The following SYNE1 variants were observed in gnomAD, a reference collection of about 807,000 sequenced individuals.
The protein encoded by SYNE1 is nesprin-1.
A neutral mutation model predicts 1,111.0 loss-of-function variants in SYNE1; 616 were observed. That is an observed-to-expected ratio of 0.55 (90% CI 0.52 to 0.59). SYNE1 has a LOEUF of 0.59. Ranked by LOEUF, SYNE1 falls within the 20% of genes least tolerant of loss-of-function variation. The pLI, the probability that SYNE1 is intolerant of heterozygous loss-of-function variation, is 0.00. For synonymous variants in SYNE1, 3,855 were observed against 3,825.8 expected (o/e 1.01, Z -0.28); for missense variants, 10,006 against 10,417.0 (o/e 0.96, Z 1.72).
At chr6:152,170,199 C>G (rs1168556844) in intron 130 of SYNE1, among the ~76,000 whole-genome samples, 2 of 151,892 alleles carry the variant, frequency 1.3e-5, no homozygotes, top group South Asian at 2.1e-4. Flanking sequence ...AAATATGAGA[C>G]AAGGCAAAGC....
chr6:152,324,201 C>G (rs1307032940), intron 81 of SYNE1, among the ~76,000 whole-genome samples: 2 of 151,764 alleles, frequency 1.3e-5, no homozygotes, highest in African/African-American at 4.8e-5. Context: ...GAGCTTGAGA[C>G]AAGCCTGACA....
chr6:152,193,814 A>G (rs2073268269), intron 127 of SYNE1, among the ~76,000 whole-genome samples: 1 of 151,988 alleles, frequency 6.6e-6, no homozygotes, highest in Non-Finnish European at 1.5e-5. Flanking sequence ...GATCGAAACC[A>G]TCCTGACTAA....
chr6:152,175,082 G>A (rs902484113), intron 130 of SYNE1, among the ~76,000 whole-genome samples: 29 of 152,090 alleles, frequency 1.9e-4, no homozygotes, highest in Non-Finnish European at 4.4e-5. Flanking sequence ...TAGTCCCAGG[G>A]ATTGGGAGGC....
At chr6:152,597,229 G>A (rs906638852) in intron 3 of SYNE1, among the ~76,000 whole-genome samples, 3 of 152,134 alleles carry the variant, frequency 2.0e-5, no homozygotes, top group Non-Finnish European at 2.9e-5. Flanking sequence ...AAATAGACGT[G>A]CATCTTACAG....
intron 3 of SYNE1, among the ~76,000 whole-genome samples, chr6:152,604,507 T>G (rs752925709): frequency 7.9e-5 from 12 of 152,112 alleles, no homozygotes; most frequent in Non-Finnish European, 1.6e-4. Flanking sequence ...TTTTGCCATG[T>G]TGCCCAGGCT....
chr6:152,502,673 G>T lies in SYNE1; in HGVS notation c.848C>A (p.Pro283His). ...ATCAGTGCTTGCATTGTGGATGTCA[G>T]GATAATGTTTCAGAAACTGGGCTAC... The part of the protein sequence containing the change: ...TYVAQFLKHY[P>H]DIHNASTDGQ... Residue 283 changes from proline to histidine, a missense_variant, in exon 10 of 146, where the codon CCT (proline) becomes CAT (histidine). Coordinates refer to ENST00000367255, the MANE Select transcript of SYNE1 (RefSeq NM_182961.4). 6.2e-7 allele frequency: 1 copy of T among 1,613,870 alleles called. No individual in the cohort carries two copies. The highest frequency in any genetic ancestry group is 8.5e-7 in the Non-Finnish European group (1 of 1,179,904).
chr6:152,167,686 G>C (rs755208554), intron 130 of SYNE1: 5 of 481,248 alleles, frequency 1.0e-5, no homozygotes, highest in Non-Finnish European at 2.1e-5. Flanking sequence ...TTTCATGAAA[G>C]GAAAGCTTTC....
chr6:152,193,576 C>T (rs4869751), intron 127 of SYNE1, among the ~76,000 whole-genome samples: 46,229 of 151,980 alleles, frequency 0.3, 7,686 homozygotes, highest in East Asian at 0.44. Context: ...CCTTGGCCTC[C>T]TAAAGTGCTG....
In SYNE1 at chr6:152,567,212, G is replaced by T. The variant is rs79221799; in HGVS notation, c.68-27191C>A. Among the ~76,000 whole-genome samples the T allele has an allele frequency of 4.3e-3, 649 of 152,178 alleles. 5 individuals carry two copies. The highest frequency in any genetic ancestry group is 0.015 in the African/African-American group (607 of 41,526). On this transcript the variant is annotated intron_variant, in intron 3 of 145. Coordinates refer to ENST00000367255, the MANE Select transcript of SYNE1 (RefSeq NM_182961.4). Reference sequence around the variant, plus strand: ...TCTAGGTTCATCTATGTTGTCAAAAGTCGCAGGACCTCCTTCTTTTTAAAA... The same window carrying T: ...TCTAGGTTCATCTATGTTGTCAAAATTCGCAGGACCTCCTTCTTTTTAAAA...
intron 51 of SYNE1, among the ~76,000 whole-genome samples, chr6:152,394,788 C>CTT (rs11358769): frequency 2.4e-5 from 3 of 125,726 alleles, no homozygotes; most frequent in Non-Finnish European, 5.0e-5. Context: ...TTTCTTTTTC[C>CTT]TTTTTTTTTT....
chr6:152,374,730 G>A (rs1315924578), intron 58 of SYNE1, among the ~76,000 whole-genome samples: 2 of 151,514 alleles, frequency 1.3e-5, no homozygotes, highest in Admixed American at 6.6e-5. Context: ...ACCAAGATAG[G>A]GCCACTGGAC....
rs1414121118 is a variant in SYNE1, at chr6:152,505,197, C to T, written c.778+4G>A. 2 of 1,613,982 alleles carry T rather than the reference C, an allele frequency of 1.2e-6. No homozygotes were observed. Among genetic ancestry groups the T allele is most frequent in the East Asian group, 2.2e-5 (1 of 44,868 alleles). Reference sequence around the variant, plus strand: ...ATATAACAGTCAATGAATATTCAGCCTACCTTCAGGATCTAGCAGTCTTGG... The same window carrying T: ...ATATAACAGTCAATGAATATTCAGCTTACCTTCAGGATCTAGCAGTCTTGG... On this transcript the variant is annotated splice_donor_region_variant and intron_variant, in intron 9 of 145. Coordinates refer to ENST00000367255, the MANE Select transcript of SYNE1 (RefSeq NM_182961.4).
At chr6:152,323,299 G>A (rs1170245848) in intron 82 of SYNE1, among the ~76,000 whole-genome samples, 179 bp downstream of exon 82, 3 of 152,182 alleles carry the variant, frequency 2.0e-5, no homozygotes, top group East Asian at 1.9e-4. Context: ...TTAGCCGGGC[G>A]TGGTGGCGGG....
At chr6:152,587,666 C>T (rs1444816074) in intron 3 of SYNE1, among the ~76,000 whole-genome samples, 1 of 152,184 alleles carries the variant, frequency 6.6e-6, no homozygotes, top group African/African-American at 2.4e-5. Context: ...CTTCCCACAT[C>T]CTCTCTTGTA....
intron 64 of SYNE1, 57 bp downstream of exon 64, chr6:152,362,113 G>T: frequency 6.2e-7 from 1 of 1,613,328 alleles, no homozygotes. Flanking sequence ...TTGTCTGACT[G>T]TGGCATTCTA....
intron 124 of SYNE1, among the ~76,000 whole-genome samples, chr6:152,210,906 A>G (rs2077406524): frequency 6.6e-6 from 1 of 152,196 alleles, no homozygotes; most frequent in Non-Finnish European, 1.5e-5. Context: ...GCGGCATGTA[A>G]TCTGACTTAA....
chr6:152,213,540 C>G, intron 123 of SYNE1, 72 bp downstream of exon 123: 3 of 1,534,858 alleles, frequency 2.0e-6, no homozygotes, highest in Non-Finnish European at 1.8e-6. Context: ...AATTCTCCCA[C>G]ACAGCATTTC....
intron 84 of SYNE1, chr6:152,319,834 A>C (rs2095828318): frequency 6.6e-6 from 1 of 152,034 alleles, no homozygotes; most frequent in African/African-American, 2.4e-5. Context: ...GAAAAGCTTA[A>C]ATTTTAACTA....
Position 152,214,757 on chromosome 6 carries a change from C to A in SYNE1, c.22346+149G>T, listed in dbSNP as rs899978532. 5.6e-6 allele frequency: 6 copies of A among 1,079,744 alleles called. No homozygotes were observed. In the African/African-American group the frequency reaches 9.4e-5, roughly 17 times the overall value. 66.9% of individuals were successfully genotyped at this position (1,079,744 alleles called of 1,614,324 possible). ...ACCAGACAACTGAATCTGCTAGCACCTTGACTGCGGACTTCCCAGTCTCCA... is the reference window on the plus strand; with the variant it reads ...ACCAGACAACTGAATCTGCTAGCACATTGACTGCGGACTTCCCAGTCTCCA... On this transcript the variant is annotated intron_variant, in intron 122 of 145. Transcript: ENST00000367255.
Sources: allele counts gnomAD v4.1 joint callset (sites outside exome capture counted in the v4.1 genomes callset), GRCh38; gene constraint gnomAD v4.1.1; transcripts MANE v1.5; gene names NCBI Gene and HGNC (gene_info 2026-07-23, HGNC 2026-07-21).